SLC9A9: variants seen among roughly 807,000 people sequenced by gnomAD.
SLC9A9 encodes the protein sodium/hydrogen exchanger 9.
In SLC9A9, 62 loss-of-function variants were observed where a neutral mutation model predicts 77.8. The observed-to-expected ratio is 0.80, with a 90% CI of 0.65 to 0.98. The LOEUF (loss-of-function observed/expected upper bound fraction) is 0.98, where lower values mean the gene tolerates loss of function less well. Among genes scored for constraint, SLC9A9 ranks in the 50% least tolerant of loss-of-function variants. SLC9A9 has a pLI of 0.00. For synonymous variants in SLC9A9, 320 were observed against 283.5 expected (o/e 1.13, Z -1.29); for missense variants, 775 against 774.9 (o/e 1.00, Z 0.00).
At chr3:143,374,382 AC>A (rs2033128138) in intron 13 of SLC9A9, among the ~76,000 whole-genome samples, 1 of 142,116 alleles carries the variant, frequency 7.0e-6, no homozygotes, top group African/African-American at 2.6e-5. Context: ...CCAAGATCGC[AC>A]CACTGTACTC....
At chr3:143,461,792 A>C (rs1011880451) in intron 12 of SLC9A9, among the ~76,000 whole-genome samples, 1 of 152,178 alleles carries the variant, frequency 6.6e-6, no homozygotes, top group Non-Finnish European at 1.5e-5. Context: ...AACACAATCA[A>C]TATTAAGATA....
intron 9 of SLC9A9, among the ~76,000 whole-genome samples, chr3:143,545,768 C>T (rs1189673851): frequency 1.3e-5 from 2 of 152,146 alleles, no homozygotes; most frequent in Admixed American, 6.5e-5. Context: ...TTTTGATTGC[C>T]TCATCCTTGG....
chr3:143,614,615 A>G (rs1422087437), intron 6 of SLC9A9, among the ~76,000 whole-genome samples: 1 of 152,144 alleles, frequency 6.6e-6, no homozygotes, highest in Non-Finnish European at 1.5e-5. Context: ...CATGGTATTC[A>G]ATAGGGATCC....
intron 2 of SLC9A9, among the ~76,000 whole-genome samples, chr3:143,813,223 T>C (rs555764737): frequency 2.5e-4 from 38 of 152,182 alleles, no homozygotes; most frequent in African/African-American, 8.9e-4. Flanking sequence ...GAGGCTAAAT[T>C]GGAAGGAAAT....
intron 2 of SLC9A9, among the ~76,000 whole-genome samples, chr3:143,816,614 A>G (rs1576748340): frequency 1.3e-5 from 2 of 152,186 alleles, no homozygotes. Flanking sequence ...AAATGCTGCA[A>G]TGTATATTCT....
intron 4 of SLC9A9, among the ~76,000 whole-genome samples, chr3:143,755,456 G>A (rs1472770580): frequency 6.6e-6 from 1 of 152,160 alleles, no homozygotes; most frequent in Non-Finnish European, 1.5e-5. Flanking sequence ...GAAAGAGGGG[G>A]TGCCTAAATC....
At chr3:143,380,106 G>A (rs1282210856) in intron 13 of SLC9A9, among the ~76,000 whole-genome samples, 1 of 152,112 alleles carries the variant, frequency 6.6e-6, no homozygotes, top group Non-Finnish European at 1.5e-5. Context: ...ACCCAAAGGT[G>A]TAAACACCTT....
At chr3:143,448,147 T>A (rs1297015726) in intron 12 of SLC9A9, among the ~76,000 whole-genome samples, 3 of 151,896 alleles carry the variant, frequency 2.0e-5, no homozygotes, top group Non-Finnish European at 2.9e-5. Flanking sequence ...GGAAACTAAG[T>A]GGTAAGGACA....
At chr3:143,368,318 G>A (rs539354742) in intron 13 of SLC9A9, among the ~76,000 whole-genome samples, 3 of 152,244 alleles carry the variant, frequency 2.0e-5, no homozygotes, top group South Asian at 4.1e-4. Context: ...GAAAACAAAA[G>A]GTTCTGGCAA....
chr3:143,676,474 C>T (rs1405494769), intron 5 of SLC9A9, among the ~76,000 whole-genome samples: 2 of 152,118 alleles, frequency 1.3e-5, no homozygotes, highest in Non-Finnish European at 2.9e-5. Flanking sequence ...TGTGGTGGCT[C>T]ATGCCTGTAA....
intron 9 of SLC9A9, among the ~76,000 whole-genome samples, chr3:143,505,533 C>A (rs1392574646): frequency 6.6e-6 from 1 of 152,134 alleles, no homozygotes; most frequent in Non-Finnish European, 1.5e-5. Context: ...AGGAGGTGCA[C>A]CACTTAAGCG....
chr3:143,794,988 G>A lies in SLC9A9; in HGVS notation c.533+13C>T, dbSNP rs371366645. ...CACAGCCACCTGCAACTTGAGCTCC[G>A]AATGTCACTTACCCTATGACGATGC... On this transcript the variant is annotated intron_variant, in intron 4 of 15. Coordinates refer to ENST00000316549, the MANE Select transcript of SLC9A9 (RefSeq NM_173653.4). 1.7e-5 allele frequency: 27 copies of A among 1,612,720 alleles called. No homozygotes were observed. In the East Asian group the frequency reaches 1.8e-4, roughly 11 times the overall value.
chr3:143,538,704 C>T (rs576891023), intron 9 of SLC9A9, among the ~76,000 whole-genome samples: 5 of 152,186 alleles, frequency 3.3e-5, no homozygotes, highest in South Asian at 2.1e-4. Context: ...CCCGGCCCTA[C>T]GTTATAGGCC....
intron 4 of SLC9A9, among the ~76,000 whole-genome samples, chr3:143,732,395 C>T (rs1164732753): frequency 1.3e-5 from 2 of 152,188 alleles, no homozygotes; most frequent in Admixed American, 6.5e-5. Context: ...AAAAGTGGAG[C>T]AGATCTTCAT....
chr3:143,479,918 C>CTGGT (rs2035546044), intron 11 of SLC9A9, among the ~76,000 whole-genome samples: 1 of 152,192 alleles, frequency 6.6e-6, no homozygotes, highest in South Asian at 2.1e-4. Flanking sequence ...CTTGTCATCT[C>CTGGT]TGGTGGTTAA....
At chr3:143,709,694 A>G (rs984977596) in intron 4 of SLC9A9, among the ~76,000 whole-genome samples, 3 of 152,154 alleles carry the variant, frequency 2.0e-5, no homozygotes, top group African/African-American at 7.2e-5. Flanking sequence ...GATAAGAGAC[A>G]ATGATTATTG....
intron 6 of SLC9A9, among the ~76,000 whole-genome samples, chr3:143,629,802 A>T (rs968902821): frequency 2.6e-5 from 4 of 152,100 alleles, no homozygotes; most frequent in Admixed American, 6.6e-5. Context: ...AGGTCCTGAG[A>T]TGTTCATTCA....
At chr3:143,523,615 A>C (rs748613931) in intron 9 of SLC9A9, among the ~76,000 whole-genome samples, 9 of 152,164 alleles carry the variant, frequency 5.9e-5, no homozygotes, top group Non-Finnish European at 8.8e-5. Flanking sequence ...ACGTCATTTT[A>C]TGTAAAATTG....
Position 143,736,147 on chromosome 3 carries a change from G to GTC in SLC9A9, c.534-42842_534-42841dup, listed in dbSNP as rs544833533. Among the ~76,000 whole-genome samples the GTC allele has an allele frequency of 5.9e-5, 9 of 152,110 alleles. No individual in the cohort carries two copies. The East Asian group carries it at 1.2e-3, about 20-fold the overall frequency. On this transcript the variant is annotated intron_variant, in intron 4 of 15. Transcript: ENST00000316549. ...TCTAACAATTCTTTAAAACCTATGTGTCTCTCTCTCTGGAAAGTTTACTCT... is the reference window on the plus strand; with the variant it reads ...TCTAACAATTCTTTAAAACCTATGTGTCTCTCTCTCTCTGGAAAGTTTACTCT...
Sources: gnomAD v4.1 joint callset for allele counts (sites outside exome capture counted in the v4.1 genomes callset) on GRCh38, gnomAD v4.1.1 for gene constraint, MANE v1.5 for transcripts, NCBI Gene and HGNC (gene_info 2026-07-23, HGNC 2026-07-21) for gene names.